The following CALHM4 variants were observed in gnomAD, a reference collection of about 807,000 sequenced individuals.
CALHM4 encodes the protein calcium homeostasis modulator protein 4.
A neutral mutation model predicts 13.3 loss-of-function variants in CALHM4; 16 were observed. The observed-to-expected ratio is 1.20, with a 90% CI of 0.81 to 1.82. The LOEUF (loss-of-function observed/expected upper bound fraction) is 1.82, where lower values mean the gene tolerates loss of function less well. Among genes scored for constraint, CALHM4 ranks in the 40% most tolerant of loss-of-function variants. The pLI, the probability that CALHM4 is intolerant of heterozygous loss-of-function variation, is 0.00. For missense variants in CALHM4, 344 were observed against 374.9 expected (o/e 0.92, Z 0.68); for synonymous variants, 127 against 137.1 (o/e 0.93, Z 0.52).
chr6:116,544,675 T>C (rs1773665868), intron 2 of CALHM4, among the ~76,000 whole-genome samples: 1 of 152,124 alleles, frequency 6.6e-6, no homozygotes. Flanking sequence ...GTACCATATA[T>C]TTTTAGCACT....
chr6:116,537,838 T>C (rs1282872059), intron 1 of CALHM4, among the ~76,000 whole-genome samples: 1 of 152,210 alleles, frequency 6.6e-6, no homozygotes, highest in African/African-American at 2.4e-5. Flanking sequence ...CTAATTTTTA[T>C]TGAGTAAATA....
chr6:116,558,005 C>G lies in CALHM4; in HGVS notation c.739C>G (p.Arg247Gly), dbSNP rs377314873. 3.1e-6 allele frequency: 5 copies of G among 1,614,004 alleles called. No homozygotes were observed. The highest frequency in any genetic ancestry group is 1.1e-5 in the South Asian group (1 of 91,080). The change falls in exon 2 of 2, where the codon CGC (arginine) becomes GGC (glycine). Residue 247 changes from arginine (R) to glycine (G), a missense_variant. By Grantham distance (125) the Arg-to-Gly change is moderately radical. Coordinates refer to ENST00000368596, the MANE Select transcript of CALHM4 (RefSeq NM_001366078.2). ...GCACTCTCGGCTCCTCATGATGCAT[C>G]GCATAAAGAAGCTATTTGGCTTCAT... ...EQHSRLLMMH[R>G]IKKLFGFIPG...
intron 2 of CALHM4, among the ~76,000 whole-genome samples, chr6:116,544,152 A>AGAGAGAGAGAGAGAGAGG (rs1773630030): frequency 2.7e-5 from 1 of 37,054 alleles, no homozygotes; most frequent in Admixed American, 3.5e-4. Flanking sequence ...AAGGTGAAGA[A>AGAGAGAGAGAGAGAGAGG]GAGAGAGAGA....
rs565227759 is a variant in CALHM4 at position 116,533,018 on chromosome 6, C to T, written c.-109+3828C>T. Among the ~76,000 whole-genome samples the T allele has an allele frequency of 9.8e-5, 15 of 152,332 alleles. No individual in the cohort carries two copies. The East Asian group carries it at 1.7e-3, about 18-fold the overall frequency. On this transcript the variant is annotated intron_variant, in intron 1 of 2. Coordinates refer to the CALHM4 transcript ENST00000368597. ...ATTTAAAGCCTATGAGACCCACTGG[C>T]AGGCTTTAAGTCTAAGCCCCCAGCT...
intron 1 of CALHM4, chr6:116,543,642 C>T: frequency 3.0e-6 from 2 of 671,918 alleles, no homozygotes; most frequent in Admixed American, 6.0e-5. Flanking sequence ...ATGATAACAT[C>T]TTTCTATGCA....
chr6:116,540,401 A>G (rs1373696630), intron 1 of CALHM4: 5 of 1,551,240 alleles, frequency 3.2e-6, no homozygotes, highest in African/African-American at 1.4e-5. Flanking sequence ...TAACTATGGC[A>G]TCTTCCCACG....
Position 116,558,967 on chromosome 6 carries a change from G to T in CALHM4, c.*756G>T, listed in dbSNP as rs1212363710. On this transcript the variant is annotated 3_prime_UTR_variant, in exon 2 of 2. Coordinates refer to ENST00000368596, the MANE Select transcript of CALHM4 (RefSeq NM_001366078.2). ...CTACATATAAAGTTTCTTCTAGAAA[G>T]CTTCTCCACTGTGCTCTACTCCAGA... is the stretch of plus-strand genomic sequence containing the variant. The T allele has an allele frequency of 3.3e-5, 5 of 152,172 alleles. No homozygotes were observed. The highest frequency in any genetic ancestry group is 2.0e-4 in the Admixed American group (3 of 15,288). 9.4% of individuals were successfully genotyped at this position (152,172 alleles called of 1,614,324 possible). A position where few individuals can be genotyped will look rare whatever the true frequency, so the allele number is the denominator to read the frequency against.
upstream of CALHM4, among the ~76,000 whole-genome samples, chr6:116,552,201 C>T (rs1451822031): frequency 6.6e-6 from 1 of 152,104 alleles, no homozygotes; most frequent in East Asian, 1.9e-4. Context: ...AAGATAATAT[C>T]TTCTGGTCTT....
chr6:116,543,461 CT>C, intron 1 of CALHM4: 1 of 1,328,618 alleles, frequency 7.5e-7, no homozygotes, highest in East Asian at 2.5e-5. Context: ...TACTGTATTT[CT>C]TTTGTTTATA....
chr6:116,555,546 A>C (rs1277845760), intron 1 of CALHM4, among the ~76,000 whole-genome samples: 1 of 82,760 alleles, frequency 1.2e-5, no homozygotes, highest in Non-Finnish European at 2.5e-5. Context: ...AATATTTCAT[A>C]TCTTAATTTA....
In CALHM4 at chr6:116,531,483, A is replaced by G. The variant is rs536047820; in HGVS notation, c.-109+2293A>G. ...GCACAGGACTGAAGTAGAGAACCAC[A>G]AAGACTTGCTGCTGAGGGTTCAAGA... On this transcript the variant is annotated intron_variant, in intron 1 of 2. Coordinates refer to the CALHM4 transcript ENST00000368597. Among the ~76,000 whole-genome samples, 95 of 152,288 alleles carry G rather than the reference A, an allele frequency of 6.2e-4. 1 individual carries two copies. Among genetic ancestry groups the G allele is most frequent in the African/African-American group, 2.2e-3 (92 of 41,546 alleles).
rs761787280 is a variant in CALHM4 at position 116,558,006 on chromosome 6, G to A, written c.740G>A (p.Arg247His). The change falls in exon 2 of 2, where the codon CGC becomes CAC. Residue 247 changes from arginine (R) to histidine (H), a missense_variant. Arg to His is a conservative substitution (Grantham distance 29). Transcript: ENST00000368596. ...CACTCTCGGCTCCTCATGATGCATCGCATAAAGAAGCTATTTGGCTTCATT... is the reference window on the plus strand; with the variant it reads ...CACTCTCGGCTCCTCATGATGCATCACATAAAGAAGCTATTTGGCTTCATT... ...EQHSRLLMMH[R>H]IKKLFGFIPG... 7 of 1,613,956 alleles carry A rather than the reference G, an allele frequency of 4.3e-6. No homozygotes were observed. The highest frequency in any genetic ancestry group is 1.3e-5 in the African/African-American group (1 of 74,898).
chr6:116,546,956 CTCT>C (rs1411563480), intron 2 of CALHM4, among the ~76,000 whole-genome samples: 2 of 152,108 alleles, frequency 1.3e-5, no homozygotes, highest in Non-Finnish European at 2.9e-5. Context: ...GGTTTTCGTT[CTCT>C]TCATCTCATT....
At position 116,553,907 on chromosome 6, in the gene CALHM4, A is replaced by C. The variant is rs545357183; in HGVS notation, c.114A>C (p.Thr38=). Residue 38 remains threonine (T), a synonymous_variant, in exon 1 of 2, where the codon ACA becomes ACC. Coordinates refer to ENST00000368596, the MANE Select transcript of CALHM4 (RefSeq NM_001366078.2). ...GGCAACAACTCTTCTCCTCTTCTAC[A>C]TTCAGCTGTCCTTGTCAGGTTGGAA... ...IGGQQLFSSS[T]FSCPCQVGKN... The C allele has an allele frequency of 1.9e-6, 3 of 1,550,666 alleles. No homozygotes were observed. The South Asian group carries it at 3.6e-5, about 18-fold the overall frequency.
At chr6:116,553,674 AG>A, upstream of CALHM4, 2 of 871,612 alleles carry the variant, frequency 2.3e-6, no homozygotes, top group South Asian at 3.6e-5. Context: ...TAAACATGTA[AG>A]GATGTTGGAT....
chr6:116,536,285 T>G (rs1309456070), intron 1 of CALHM4, among the ~76,000 whole-genome samples: 1 of 152,188 alleles, frequency 6.6e-6, no homozygotes, highest in Non-Finnish European at 1.5e-5. Flanking sequence ...TTGCCTTCAA[T>G]GATTTGGCCA....
chr6:116,543,287 A>T, intron 1 of CALHM4: 1 of 1,531,692 alleles, frequency 6.5e-7, no homozygotes, highest in South Asian at 1.2e-5. Context: ...AATAAGAATG[A>T]AGGACTTCCA....
chr6:116,529,074 T>A (rs1656264164), exon 1 of CALHM4: 1 of 152,380 alleles, frequency 6.6e-6, no homozygotes, highest in African/African-American at 2.4e-5. Context: ...TCTGACCGGG[T>A]CTCCTGTTTC....
rs374125297 is a variant in CALHM4, at chr6:116,557,874, C to T, written c.608C>T (p.Ser203Phe). The T allele has an allele frequency of 1.9e-6, 3 of 1,613,986 alleles. No homozygotes were observed. The highest frequency in any genetic ancestry group is 2.5e-6 in the Non-Finnish European group (3 of 1,180,016). The change falls in exon 2 of 2, where the codon TCC becomes TTC. Residue 203 changes from serine to phenylalanine, a missense_variant. Ser to Phe is a radical substitution (Grantham distance 155). Coordinates refer to ENST00000368596, the MANE Select transcript of CALHM4 (RefSeq NM_001366078.2). ...TTGGCAACCATTGCTGCCTTAGTCT[C>T]CTGCTGTGTGGCAAAGTGCTGCTCT... The part of the protein sequence containing the change: ...ITLATIAALV[S>F]CCVAKCCSPL...
Sources: allele counts gnomAD v4.1 joint callset (sites outside exome capture counted in the v4.1 genomes callset), GRCh38; gene constraint gnomAD v4.1.1; transcripts MANE v1.5; gene names NCBI Gene and HGNC (gene_info 2026-07-23, HGNC 2026-07-21).